Variants in KCNH7 observed in about 807,000 individuals in gnomAD.
KCNH7 encodes voltage-gated inwardly rectifying potassium channel KCNH7.
Under a neutral mutation model 120.8 loss-of-function variants are expected in KCNH7, and 49 were observed. That is an observed-to-expected ratio of 0.41 (90% CI 0.32 to 0.51). The LOEUF (loss-of-function observed/expected upper bound fraction) is 0.51, where lower values mean the gene tolerates loss of function less well. Among genes scored for constraint, KCNH7 ranks in the 20% least tolerant of loss-of-function variants. KCNH7 has a pLI of 0.38. For synonymous variants in KCNH7, 547 were observed against 516.1 expected, an observed-to-expected ratio of 1.06 and a Z score of -0.81; for missense variants, 1,097 against 1,446.6, an observed-to-expected ratio of 0.76 and a Z score of 3.92.
intron 2 of KCNH7, among the ~76,000 whole-genome samples, chr2:162,676,051 A>G (rs1372512359): frequency 6.6e-6 from 1 of 151,526 alleles, no homozygotes; most frequent in Admixed American, 6.6e-5. Context: ...TTTGATAAGA[A>G]GGCAGTGCTG....
At chr2:162,443,024 C>T (rs537217280) in intron 7 of KCNH7, among the ~76,000 whole-genome samples, 7 of 152,136 alleles carry the variant, frequency 4.6e-5, no homozygotes, top group Non-Finnish European at 1.0e-4. Flanking sequence ...CTCTTTATCC[C>T]AGATATGGCT....
intron 6 of KCNH7, among the ~76,000 whole-genome samples, chr2:162,497,832 A>C (rs903268597): frequency 6.6e-6 from 1 of 151,602 alleles, no homozygotes; most frequent in Non-Finnish European, 1.5e-5. Context: ...GCACATATTA[A>C]ATGCTCAATC....
intron 6 of KCNH7, among the ~76,000 whole-genome samples, chr2:162,463,429 A>C (rs1189803836): frequency 6.6e-6 from 1 of 151,050 alleles, no homozygotes; most frequent in Admixed American, 6.6e-5. Context: ...TTATTGTTTC[A>C]TCTCTATGAA....
In KCNH7 at chr2:162,626,976, A is replaced by G. The variant is rs77271962; in HGVS notation, c.308-89896T>C. ...AAACATGTTGTCACTGAGTTTCTAC[A>G]TCGTGGCAATTTGTAAGATCATGCT... On this transcript the variant is annotated intron_variant, in intron 2 of 15. Coordinates refer to ENST00000332142, the MANE Select transcript of KCNH7 (RefSeq NM_033272.4). 2.3e-3 allele frequency among the ~76,000 whole-genome samples: 343 copies of G among 152,302 alleles called. 4 individuals carry two copies. In the East Asian group the frequency reaches 0.055, roughly 25 times the overall value.
rs750643887 is a variant in KCNH7 at position 162,396,751 on chromosome 2, C to T, written c.2602G>A (p.Glu868Lys). ...NLELTFNLRHESAKADLLRSQ... is the reference protein window; with the variant it reads ...NLELTFNLRHKSAKADLLRSQ... ...CAGTTAACATATACCTTTGCGCTCT[C>T]ATGCCTTAGGTTGAAAGTCAACTCT... The change falls in exon 11 of 16, where the codon GAG becomes AAG. Residue 868 changes from glutamate to lysine, a missense_variant. Glu to Lys is a moderately conservative substitution (Grantham distance 56). Around this residue, in one of 8 missense-constraint regions of KCNH7, gnomAD observed 406 missense variants for 410.5 expected, o/e 0.99. Transcript: ENST00000332142. 1 of 1,609,900 alleles carries T rather than the reference C, an allele frequency of 6.2e-7. No homozygotes were observed. Among genetic ancestry groups the T allele is most frequent in the Admixed American group, 1.7e-5 (1 of 59,718 alleles).
chr2:162,756,007 T>C (rs1464902188), intron 2 of KCNH7, among the ~76,000 whole-genome samples: 1 of 152,174 alleles, frequency 6.6e-6, no homozygotes, highest in African/African-American at 2.4e-5. Context: ...AAGTGATATT[T>C]TTAATTTAAT....
chr2:162,821,021 A>T (rs1409786002), intron 2 of KCNH7, among the ~76,000 whole-genome samples: 1 of 152,196 alleles, frequency 6.6e-6, no homozygotes, highest in Non-Finnish European at 1.5e-5. Flanking sequence ...CACCTTTTAG[A>T]CAACAAAGGT....
rs554760535 is a variant in KCNH7 at position 162,583,870 on chromosome 2, A to G, written c.308-46790T>C. ...CACTGATGCAGATTATTTTGTAGTA[A>G]TCACACCTATATGGGTCTATACATA... On this transcript the variant is annotated intron_variant, in intron 2 of 15. Coordinates refer to ENST00000332142, the MANE Select transcript of KCNH7 (RefSeq NM_033272.4). 2.3e-4 allele frequency among the ~76,000 whole-genome samples: 35 copies of G among 152,272 alleles called. No homozygotes were observed. In the East Asian group the frequency reaches 6.6e-3, roughly 29 times the overall value.
chr2:162,637,496 TAGAA>T (rs1461319802), intron 2 of KCNH7, among the ~76,000 whole-genome samples: 4 of 152,210 alleles, frequency 2.6e-5, no homozygotes, highest in African/African-American at 4.8e-5. Context: ...ACATTTCACT[TAGAA>T]AGAAGAAATG....
intron 2 of KCNH7, among the ~76,000 whole-genome samples, chr2:162,827,939 A>C (rs1166513043): frequency 6.6e-6 from 1 of 152,152 alleles, no homozygotes; most frequent in Non-Finnish European, 1.5e-5. Flanking sequence ...GAGAAGAGCT[A>C]TCCTGAGTAG....
At chr2:162,408,423 C>G (rs1292789034) in intron 9 of KCNH7, among the ~76,000 whole-genome samples, 1 of 151,892 alleles carries the variant, frequency 6.6e-6, no homozygotes, top group African/African-American at 2.4e-5. Flanking sequence ...AACAAATTCC[C>G]CTCCTATAAA....
intron 2 of KCNH7, among the ~76,000 whole-genome samples, chr2:162,770,365 A>C (rs1683000114): frequency 6.6e-6 from 1 of 150,732 alleles, no homozygotes; most frequent in Non-Finnish European, 1.5e-5. Flanking sequence ...TATTTTCTTT[A>C]ATATTTCAAA....
intron 2 of KCNH7, among the ~76,000 whole-genome samples, chr2:162,764,915 T>G (rs1331897967): frequency 6.6e-6 from 1 of 152,184 alleles, no homozygotes; most frequent in African/African-American, 2.4e-5. Flanking sequence ...CCAACATAAT[T>G]TTTTAAAGCT....
At chr2:162,376,435 G>A (rs1201629183) in intron 14 of KCNH7, among the ~76,000 whole-genome samples, 2 of 150,474 alleles carry the variant, frequency 1.3e-5, no homozygotes, top group East Asian at 2.0e-4. Context: ...GCATGATCTC[G>A]GCTCGCTGCA....
chr2:162,526,679 T>C (rs1345428786), intron 3 of KCNH7, among the ~76,000 whole-genome samples: 1 of 152,020 alleles, frequency 6.6e-6, no homozygotes, highest in Non-Finnish European at 1.5e-5. Flanking sequence ...CTGAACATTG[T>C]TGTTATCCTG....
At chr2:162,407,625 C>A (rs1469606334) in intron 9 of KCNH7, among the ~76,000 whole-genome samples, 1 of 151,874 alleles carries the variant, frequency 6.6e-6, no homozygotes, top group African/African-American at 2.4e-5. Context: ...AACTTGGAAC[C>A]CATTAAGGTT....
intron 2 of KCNH7, among the ~76,000 whole-genome samples, chr2:162,542,268 A>G (rs1692334442): frequency 6.9e-6 from 1 of 144,366 alleles, no homozygotes; most frequent in South Asian, 2.2e-4. Flanking sequence ...TTATTATTAT[A>G]CTTTAAGTTT....
chr2:162,534,472 A>G (rs1692038818), intron 3 of KCNH7, among the ~76,000 whole-genome samples: 1 of 151,616 alleles, frequency 6.6e-6, no homozygotes, highest in East Asian at 1.9e-4. Context: ...ACTACCTTGC[A>G]TAATTCTATT....
chr2:162,744,872 C>T (rs548716921), intron 2 of KCNH7, among the ~76,000 whole-genome samples: 145 of 152,232 alleles, frequency 9.5e-4, no homozygotes, highest in African/African-American at 3.3e-3. Context: ...CGCGCCCGGC[C>T]GACAGAACTT....
Sources: gnomAD v4.1 joint callset for allele counts (sites outside exome capture counted in the v4.1 genomes callset) on GRCh38, gnomAD v4.1.1 for gene constraint, gnomAD v4.1.1 regional missense constraint, MANE v1.5 for transcripts, NCBI Gene and HGNC (gene_info 2026-07-23, HGNC 2026-07-21) for gene names.